The following BRIP1 variants were observed in gnomAD, a reference collection of about 807,000 sequenced individuals.
The protein encoded by BRIP1 is BRCA1 interacting DNA helicase 1.
BRIP1 carries 88 observed loss-of-function variants against 119.7 expected under a neutral mutation model. That is an observed-to-expected ratio of 0.74 (90% CI 0.62 to 0.88). The LOEUF (loss-of-function observed/expected upper bound fraction) is 0.88, where lower values mean the gene tolerates loss of function less well. Ranked by LOEUF, BRIP1 falls within the 40% of genes least tolerant of loss-of-function variation. The probability of loss-of-function intolerance (pLI) is 0.00; values close to 1 mark genes in which losing one functional copy is unlikely to be tolerated. For missense variants in BRIP1, 1,259 were observed against 1,455.4 expected (o/e 0.87, Z 2.20); for synonymous variants, 443 against 496.5 (o/e 0.89, Z 1.43).
chr17:61,779,046 T>G (rs1054393642), intron 13 of BRIP1, among the ~76,000 whole-genome samples: 1 of 152,174 alleles, frequency 6.6e-6, no homozygotes. Flanking sequence ...GAAGGCATAA[T>G]GAAAAATAAC....
Position 61,735,769 on chromosome 17 carries a change from C to G in BRIP1, c.2379+7244G>C, listed in dbSNP as rs2076909784. Among the ~76,000 whole-genome samples, 1 of 152,060 alleles carries G rather than the reference C, an allele frequency of 6.6e-6. No individual in the cohort carries two copies. The highest frequency in any genetic ancestry group is 1.5e-5 in the Non-Finnish European group (1 of 68,012). On this transcript the variant is annotated intron_variant, in intron 16 of 19. Transcript: ENST00000259008. The surrounding 1 kb of genome is among the most constrained non-coding windows in gnomAD (Gnocchi z 4.4). ...TGACCCATGACCGCACCACTGCACT[C>G]TAGCCTGGGCAATGGAGTGAGACCC...
chr17:61,827,156 A>G lies in BRIP1; in HGVS notation c.628-18399T>C, dbSNP rs2078421814. ...AGAGCTGGAGACCATTATCCTTAGC[A>G]AACTAATGCAGGAACAGAAAACCAA... is the stretch of plus-strand genomic sequence containing the variant. On this transcript the variant is annotated intron_variant, in intron 6 of 19. Transcript: ENST00000259008. The surrounding 1 kb of genome is among the most constrained non-coding windows in gnomAD (Gnocchi z 5.8). Among the ~76,000 whole-genome samples the G allele has an allele frequency of 6.6e-6, 1 of 152,216 alleles. No individual in the cohort carries two copies. Among genetic ancestry groups the G allele is most frequent in the Non-Finnish European group, 1.5e-5 (1 of 68,040 alleles).
rs2078650704 is a variant in BRIP1, at chr17:61,841,045, T to A, written c.627+6056A>T. On this transcript the variant is annotated intron_variant, in intron 6 of 19. Transcript: ENST00000259008. This position sits in a 1 kb window ranked among gnomAD's most constrained non-coding sequence, Gnocchi z 4.1. Reference sequence around the variant, plus strand: ...GCAAAAGGAAAAAACTAGATCCCTCTCACCATCTACAAAAACCAACTCAAA... The same window carrying A: ...GCAAAAGGAAAAAACTAGATCCCTCACACCATCTACAAAAACCAACTCAAA... Among the ~76,000 whole-genome samples, 1 of 152,076 alleles carries A rather than the reference T, an allele frequency of 6.6e-6. No homozygotes were observed. The highest frequency in any genetic ancestry group is 2.1e-4 in the South Asian group (1 of 4,832).
rs886053209 is a variant in BRIP1, at chr17:61,682,037, CCT to C, written c.*1257_*1258del. 2.0e-5 allele frequency: 4 copies of C among 203,086 alleles called. No individual in the cohort carries two copies. Among genetic ancestry groups the C allele is most frequent in the Non-Finnish European group, 4.0e-5 (4 of 99,216 alleles). 12.6% of individuals were successfully genotyped at this position (203,086 alleles called of 1,614,324 possible). ...TTTTTGGAATGATGTCAGAGATGAG[CCT>C]CTTTTATAATCATTTTTGATTAGAC... On this transcript the variant is annotated 3_prime_UTR_variant, in exon 20 of 20. Coordinates refer to ENST00000259008, the MANE Select transcript of BRIP1 (RefSeq NM_032043.3). The surrounding 1 kb of genome is among the most constrained non-coding windows in gnomAD (Gnocchi z 4.9).
rs112076926 is a variant in BRIP1 at position 61,801,452 on chromosome 17, T to C, written c.941A>G (p.His314Arg). 3.1e-6 allele frequency: 5 copies of C among 1,612,902 alleles called. No homozygotes were observed. The highest frequency in any genetic ancestry group is 4.2e-6 in the Non-Finnish European group (5 of 1,179,038). Residue 314 changes from histidine (H) to arginine (R), a missense_variant, in exon 8 of 20, where the codon CAT (histidine) becomes CGT (arginine). Around this residue, in one of 3 missense-constraint regions of BRIP1, gnomAD observed 501 missense variants for 544.0 expected, o/e 0.92. Transcript: ENST00000259008. Reference protein sequence around the residue: ...GKNGKSCYFYHGVHKISDQHT... With the variant: ...GKNGKSCYFYRGVHKISDQHT... ...CTGATCACTAATTTTATGAACTCCA[T>C]GATAAAAATAGCAGGATTTTCCCTA...
intron 16 of BRIP1, among the ~76,000 whole-genome samples, chr17:61,727,833 A>ATT (rs1348299916): frequency 1.0e-4 from 14 of 139,708 alleles, no homozygotes; most frequent in Non-Finnish European, 2.0e-4. Flanking sequence ...CAAAGGTTTG[A>ATT]TTTTTTTTTT....
chr17:61,693,146 G>A lies in BRIP1; in HGVS notation c.2575+284C>T, dbSNP rs1029056139. 1.3e-5 allele frequency among the ~76,000 whole-genome samples: 2 copies of A among 152,164 alleles called. No individual in the cohort carries two copies. Among genetic ancestry groups the A allele is most frequent in the Non-Finnish European group, 2.9e-5 (2 of 68,016 alleles). ...AAATACTGCATAATTCAATTTATATGAGGTATCCAAAACAGTCAAACTAAT... is the reference window on the plus strand; with the variant it reads ...AAATACTGCATAATTCAATTTATATAAGGTATCCAAAACAGTCAAACTAAT... On this transcript the variant is annotated intron_variant, in intron 18 of 19. Transcript: ENST00000259008. This position sits in a 1 kb window ranked among gnomAD's most constrained non-coding sequence, Gnocchi z 4.2.
Position 61,802,652 on chromosome 17 carries a change from T to C in BRIP1, c.919-1178A>G, listed in dbSNP as rs1443976015. On this transcript the variant is annotated intron_variant, in intron 7 of 19. Transcript: ENST00000259008. The surrounding 1 kb of genome is among the most constrained non-coding windows in gnomAD (Gnocchi z 6.0). ...TTTCGTTGCTGCTCATATATGTACATTGAATTAATGTGCCATAGCTGATGA... is the reference window on the plus strand; with the variant it reads ...TTTCGTTGCTGCTCATATATGTACACTGAATTAATGTGCCATAGCTGATGA... 6.6e-6 allele frequency among the ~76,000 whole-genome samples: 1 copy of C among 152,182 alleles called. No homozygotes were observed. The highest frequency in any genetic ancestry group is 1.5e-5 in the Non-Finnish European group (1 of 68,020).
chr17:61,790,514 C>G (rs1016584065), intron 10 of BRIP1, among the ~76,000 whole-genome samples: 1 of 152,004 alleles, frequency 6.6e-6, no homozygotes, highest in Non-Finnish European at 1.5e-5. Context: ...CCATTGCACT[C>G]CAGTCTGGGC....
intron 16 of BRIP1, among the ~76,000 whole-genome samples, chr17:61,721,692 CTTTTTTTT>C (rs71150632): frequency 1.4e-4 from 10 of 73,628 alleles, no homozygotes; most frequent in African/African-American, 4.6e-4. Context: ...TAGACTTTGC[CTTTTTTTT>C]TTTTTTTTTT....
rs2061685253 is a variant in BRIP1, at chr17:61,705,986, G to C, written c.2492+9965C>G. Among the ~76,000 whole-genome samples the C allele has an allele frequency of 6.6e-6, 1 of 152,080 alleles. No individual in the cohort carries two copies. The highest frequency in any genetic ancestry group is 2.4e-5 in the African/African-American group (1 of 41,432). On this transcript the variant is annotated intron_variant, in intron 17 of 19. Transcript: ENST00000259008. The surrounding 1 kb of genome is among the most constrained non-coding windows in gnomAD (Gnocchi z 5.0). ...TATATCTTTATTAGTTTGTCTACTA[G>C]TTCTGTTATTGAGAGGAATTTTGAA...
chr17:61,763,538 A>G (rs1195117757), intron 14 of BRIP1, among the ~76,000 whole-genome samples: 1 of 152,144 alleles, frequency 6.6e-6, no homozygotes, highest in Non-Finnish European at 1.5e-5. Flanking sequence ...AAGCAAGGTG[A>G]ATCTTATTTC....
rs2077283529 is a variant in BRIP1 at position 61,761,984 on chromosome 17, C to T, written c.2097+14417G>A. ...TGAGTAAAAAGAACAAAAATGGAGG[C>T]ATCACACGACCTGATTCCAAACCAC... On this transcript the variant is annotated intron_variant, in intron 14 of 19. Transcript: ENST00000259008. This position sits in a 1 kb window ranked among gnomAD's most constrained non-coding sequence, Gnocchi z 6.4. 6.6e-6 allele frequency among the ~76,000 whole-genome samples: 1 copy of T among 151,890 alleles called. No homozygotes were observed. The highest frequency in any genetic ancestry group is 2.1e-4 in the South Asian group (1 of 4,824).
Position 61,705,369 on chromosome 17 carries a change from C to T in BRIP1, c.2492+10582G>A, listed in dbSNP as rs926557053. Among the ~76,000 whole-genome samples the T allele has an allele frequency of 6.6e-6, 1 of 152,012 alleles. No homozygotes were observed. The highest frequency in any genetic ancestry group is 2.4e-5 in the African/African-American group (1 of 41,378). On this transcript the variant is annotated intron_variant, in intron 17 of 19. Coordinates refer to ENST00000259008, the MANE Select transcript of BRIP1 (RefSeq NM_032043.3). This position sits in a 1 kb window ranked among gnomAD's most constrained non-coding sequence, Gnocchi z 5.0. ...ATAGGTATTTGAGTTGCTTCTATGC[C>T]TTTGCTTTTGTGAATTGTGCTGTGA...
In BRIP1 at chr17:61,762,446, T is replaced by C. The variant is rs1487805437; in HGVS notation, c.2097+13955A>G. 6.6e-6 allele frequency among the ~76,000 whole-genome samples: 1 copy of C among 151,836 alleles called. No individual in the cohort carries two copies. The highest frequency in any genetic ancestry group is 6.6e-5 in the Admixed American group (1 of 15,208). ...AATAAACAAAGTGGCAACCTACAGA[T>C]TGGGAGAAAATATTTACAAGCTATA... On this transcript the variant is annotated intron_variant, in intron 14 of 19. Coordinates refer to ENST00000259008, the MANE Select transcript of BRIP1 (RefSeq NM_032043.3). This position sits in a 1 kb window ranked among gnomAD's most constrained non-coding sequence, Gnocchi z 4.3.
In BRIP1 at chr17:61,859,515, G is replaced by A. The variant is rs139559307; in HGVS notation, c.205+281C>T. 8.5e-5 allele frequency among the ~76,000 whole-genome samples: 13 copies of A among 152,190 alleles called. No homozygotes were observed. The East Asian group carries it at 1.9e-3, about 23-fold the overall frequency. ...CCTGGCTAATTGATTGTCAATTTTT[G>A]TAGAGATGGGGTATCACCATGCTGC... On this transcript the variant is annotated intron_variant, in intron 3 of 19. Transcript: ENST00000259008.
chr17:61,827,448 G>A lies in BRIP1; in HGVS notation c.628-18691C>T, dbSNP rs1304840848. Among the ~76,000 whole-genome samples, 1 of 152,084 alleles carries A rather than the reference G, an allele frequency of 6.6e-6. No homozygotes were observed. The highest frequency in any genetic ancestry group is 6.6e-5 in the Admixed American group (1 of 15,246). ...AAAAATTAAATTTAAAAAAAATGGG[G>A]CTGGGAGTGGTGGCTTACACCTGTA... is the stretch of plus-strand genomic sequence containing the variant. On this transcript the variant is annotated intron_variant, in intron 6 of 19. Transcript: ENST00000259008. This position sits in a 1 kb window ranked among gnomAD's most constrained non-coding sequence, Gnocchi z 5.8.
At position 61,841,286 on chromosome 17, in the gene BRIP1, G is replaced by A. The variant is rs113746772; in HGVS notation, c.627+5815C>T. Among the ~76,000 whole-genome samples, 287 of 152,148 alleles carry A rather than the reference G, an allele frequency of 1.9e-3. No homozygotes were observed. Among genetic ancestry groups the A allele is most frequent in the Non-Finnish European group, 3.2e-3 (220 of 67,994 alleles). On this transcript the variant is annotated intron_variant, in intron 6 of 19. Transcript: ENST00000259008. This position sits in a 1 kb window ranked among gnomAD's most constrained non-coding sequence, Gnocchi z 4.1. ...AGAGTATAGAGACAACCTGTAGAAT[G>A]GGAGAAAATATTTCCAAACTATTCA... is the stretch of plus-strand genomic sequence containing the variant.
At chr17:61,847,618 A>G (rs1375626748) in intron 5 of BRIP1, among the ~76,000 whole-genome samples, 1 of 152,222 alleles carries the variant, frequency 6.6e-6, no homozygotes, top group East Asian at 1.9e-4. Flanking sequence ...AGAACTCAGA[A>G]TAAAACTTTT....
Sources: gnomAD v4.1 joint callset for allele counts (sites outside exome capture counted in the v4.1 genomes callset) on GRCh38, gnomAD v4.1.1 for gene constraint, gnomAD v4.1.1 regional missense constraint, Gnocchi (gnomAD v3.1) non-coding constraint, MANE v1.5 for transcripts, NCBI Gene and HGNC (gene_info 2026-07-23, HGNC 2026-07-21) for gene names.